The following ESCO1 variants were observed in gnomAD, a reference collection of about 807,000 sequenced individuals.
ESCO1 encodes establishment of sister chromatid cohesion N-acetyltransferase 1.
A neutral mutation model predicts 83.5 loss-of-function variants in ESCO1; 33 were observed. The ratio of observed to expected loss-of-function variants is 0.40; its 90% CI spans 0.30 to 0.53. The LOEUF is 0.53. Ranked by LOEUF, ESCO1 falls within the 20% of genes least tolerant of loss-of-function variation. The probability of loss-of-function intolerance (pLI) is 0.63; values close to 1 mark genes in which losing one functional copy is unlikely to be tolerated. For synonymous variants in ESCO1, 332 were observed against 324.3 expected, an observed-to-expected ratio of 1.02 and a Z score of -0.25; for missense variants, 855 against 968.0, an observed-to-expected ratio of 0.88 and a Z score of 1.55.
chr18:21,590,048 C>T (rs914549011), intron 1 of ESCO1, among the ~76,000 whole-genome samples: 5 of 151,492 alleles, frequency 3.3e-5, no homozygotes, highest in Non-Finnish European at 7.4e-5. Flanking sequence ...AGGATCGTCT[C>T]GATCTCCTGA....
intron 1 of ESCO1, among the ~76,000 whole-genome samples, chr18:21,584,729 G>GT (rs1048192142): frequency 6.6e-6 from 1 of 152,040 alleles, no homozygotes; most frequent in Admixed American, 6.6e-5. Flanking sequence ...TGAGGTGGGC[G>GT]TATCACCTGA....
chr18:21,563,741 T>C (rs1188749232), intron 7 of ESCO1, among the ~76,000 whole-genome samples: 3 of 152,190 alleles, frequency 2.0e-5, no homozygotes, highest in African/African-American at 4.8e-5. Flanking sequence ...ATAAATACAA[T>C]GCTGCTATGA....
chr18:21,574,553 A>G lies in ESCO1; in HGVS notation c.291T>C (p.Ser97=). The G allele has an allele frequency of 6.2e-7, 1 of 1,613,682 alleles. No individual in the cohort carries two copies. Among genetic ancestry groups the G allele is most frequent in the African/African-American group, 1.3e-5 (1 of 74,962 alleles). The part of the protein sequence containing the change: ...TVTVRGYSQE[S]TKKKLSQKKL... ...TTTTCTGAGATAATTTCTTTTTTGTAGATTCTTGTGAATATCCCCTCACAG... is the reference window on the plus strand; with the variant it reads ...TTTTCTGAGATAATTTCTTTTTTGTGGATTCTTGTGAATATCCCCTCACAG... The change falls in exon 4 of 12, where the codon TCT becomes TCC. Residue 97 remains serine, a synonymous_variant. Transcript: ENST00000269214.
intron 1 of ESCO1, among the ~76,000 whole-genome samples, chr18:21,590,510 G>A (rs1289142131): frequency 6.6e-6 from 1 of 151,758 alleles, no homozygotes. Flanking sequence ...ATGAGCCACC[G>A]CACCCAGTCA....
rs1352855045 is a variant in ESCO1 at position 21,532,402 on chromosome 18, A to T, written c.2375+71T>A. 1.9e-5 allele frequency: 28 copies of T among 1,476,186 alleles called. No homozygotes were observed. The East Asian group carries it at 6.2e-4, about 33-fold the overall frequency. The allele number at this position is 1,476,186 out of a possible 1,614,324, so 91.4% of individuals were successfully genotyped here. ...ATTATACGCATGTTAATTAAATGCC[A>T]ATCTTTACACTAAAGCTCTGCCTAA... On this transcript the variant is annotated intron_variant, in intron 11 of 11. Coordinates refer to ENST00000269214, the MANE Select transcript of ESCO1 (RefSeq NM_052911.3).
At position 21,590,371 on chromosome 18, in the gene ESCO1, G is replaced by A. The variant is rs1279457271; in HGVS notation, c.-824-5931C>T. ...TCAGTAGCTGGGACTACAGGCACGC[G>A]CCACCACACCCAGCTAATTATTGTA... On this transcript the variant is annotated intron_variant, in intron 1 of 11. Transcript: ENST00000269214. 2.0e-5 allele frequency among the ~76,000 whole-genome samples: 3 copies of A among 151,350 alleles called. No homozygotes were observed. In the East Asian group the frequency reaches 6.0e-4, roughly 30 times the overall value.
chr18:21,564,421 C>CAAAAA, intron 6 of ESCO1, 104 bp from the exon 7 acceptor site: 3 of 785,448 alleles, frequency 3.8e-6, no homozygotes, highest in Non-Finnish European at 5.8e-6. Context: ...GACGAAGTCT[C>CAAAAA]ACTCTGTCGC....
intron 10 of ESCO1, among the ~76,000 whole-genome samples, chr18:21,533,358 C>T (rs953809389): frequency 7.2e-5 from 11 of 151,976 alleles, no homozygotes; most frequent in African/African-American, 2.7e-4. Flanking sequence ...TACAGTGGTG[C>T]GATCTCGGCT....
At chr18:21,578,761 A>T (rs939176575) in intron 2 of ESCO1, among the ~76,000 whole-genome samples, 1 of 152,182 alleles carries the variant, frequency 6.6e-6, no homozygotes, top group South Asian at 2.1e-4. Flanking sequence ...GCAGTGGCAC[A>T]ATTTCAGCTC....
intron 10 of ESCO1, among the ~76,000 whole-genome samples, chr18:21,535,275 C>T (rs1163621678): frequency 2.6e-5 from 4 of 151,356 alleles, no homozygotes; most frequent in Non-Finnish European, 5.9e-5. Flanking sequence ...AGTGCAATGG[C>T]GTGACCTTGG....
At chr18:21,561,125 A>G (rs1222651332) in intron 7 of ESCO1, 135 bp from the exon 8 acceptor site, 7 of 823,612 alleles carry the variant, frequency 8.5e-6, no homozygotes, top group Non-Finnish European at 1.2e-5. Context: ...GTTAATTACT[A>G]AAAATAACAC....
intron 8 of ESCO1, among the ~76,000 whole-genome samples, chr18:21,554,869 C>T (rs2038092624): frequency 6.6e-6 from 1 of 151,954 alleles, no homozygotes; most frequent in Non-Finnish European, 1.5e-5. Context: ...GATCATGCCA[C>T]TGCACTCTGG....
At chr18:21,540,510 A>G in intron 8 of ESCO1, 1 of 1,179,774 alleles carries the variant, frequency 8.5e-7, no homozygotes, top group South Asian at 1.7e-5. Context: ...TATGAAAGGA[A>G]TAGTCTTATG....
chr18:21,541,192 T>A (rs1258852626), intron 8 of ESCO1, among the ~76,000 whole-genome samples: 1 of 152,130 alleles, frequency 6.6e-6, no homozygotes, highest in Non-Finnish European at 1.5e-5. Context: ...AAAATTATGA[T>A]TGGTAAAATG....
At chr18:21,575,924 A>C in intron 2 of ESCO1, 147 bp from the exon 3 acceptor site, 1 of 390,554 alleles carries the variant, frequency 2.6e-6, no homozygotes, top group East Asian at 3.6e-5. Flanking sequence ...TTACACGTAC[A>C]GTATTTTAGT....
At position 21,566,222 on chromosome 18, in the gene ESCO1, G is replaced by A. The variant is rs2038257952; in HGVS notation, c.1646-16C>T. 1.2e-6 allele frequency: 2 copies of A among 1,610,422 alleles called. No individual in the cohort carries two copies. Among genetic ancestry groups the A allele is most frequent in the East Asian group, 2.2e-5 (1 of 44,702 alleles). ...GGAGCTGAACCTGTAATTTAATCAA[G>A]AAGGTGGGTTATATATTGAGTTTTA... On this transcript the variant is annotated splice_polypyrimidine_tract_variant and intron_variant, in intron 5 of 11. Transcript: ENST00000269214.
intron 1 of ESCO1, among the ~76,000 whole-genome samples, chr18:21,587,368 T>C (rs2038596684): frequency 6.6e-6 from 1 of 152,212 alleles, no homozygotes; most frequent in Non-Finnish European, 1.5e-5. Context: ...GTAGATTGCA[T>C]CAGTGAAGCC....
At chr18:21,539,890 A>T (rs750376172) in intron 9 of ESCO1, 30 bp downstream of exon 9, 6 of 1,562,586 alleles carry the variant, frequency 3.8e-6, no homozygotes. Flanking sequence ...GATATTATCC[A>T]CTCTACATGA....
chr18:21,535,369 C>T (rs1045142830), intron 10 of ESCO1, among the ~76,000 whole-genome samples: 10 of 150,848 alleles, frequency 6.6e-5, no homozygotes, highest in Non-Finnish European at 1.2e-4. Context: ...TGCACACCAC[C>T]GCGCCTGGCT....
Sources: gnomAD v4.1 joint callset for allele counts (sites outside exome capture counted in the v4.1 genomes callset) on GRCh38, gnomAD v4.1.1 for gene constraint, MANE v1.5 for transcripts, NCBI Gene and HGNC (gene_info 2026-07-23, HGNC 2026-07-21) for gene names.